Variants in ZFYVE28 observed in about 807,000 individuals in gnomAD.
ZFYVE28 encodes the protein lateral signaling target protein 2 homolog.
ZFYVE28 carries 40 observed loss-of-function variants against 82.1 expected under a neutral mutation model. That is an observed-to-expected ratio of 0.49 (90% CI 0.38 to 0.63). The LOEUF is 0.63. Ranked by LOEUF, ZFYVE28 falls within the 30% of genes least tolerant of loss-of-function variation. ZFYVE28 has a pLI of 0.00. For synonymous variants in ZFYVE28, 612 were observed against 546.1 expected, an observed-to-expected ratio of 1.12 and a Z score of -1.68; for missense variants, 1,321 against 1,242.1, an observed-to-expected ratio of 1.06 and a Z score of -0.96.
intron 1 of ZFYVE28, among the ~76,000 whole-genome samples, chr4:2,356,382 A>G (rs979364661): frequency 1.3e-5 from 2 of 151,356 alleles, no homozygotes; most frequent in Non-Finnish European, 2.9e-5. Context: ...CACAGCCCAG[A>G]GCAAGACAGA....
intron 1 of ZFYVE28, among the ~76,000 whole-genome samples, chr4:2,360,199 C>A (rs571280907): frequency 2.0e-4 from 31 of 151,936 alleles, no homozygotes; most frequent in African/African-American, 7.0e-4. Flanking sequence ...AGTGTCTTCA[C>A]GACCACGAGG....
chr4:2,400,580 T>C (rs10006776), intron 1 of ZFYVE28, among the ~76,000 whole-genome samples: 62,528 of 151,738 alleles, frequency 0.41, 13,509 homozygotes, highest in East Asian at 0.57. Context: ...GGGGAGTTCA[T>C]TAAGTATTAA....
chr4:2,270,505 C>G lies in ZFYVE28; in HGVS notation c.*220G>C. ...CCACCAGGCTCCTCCGGGTCCCCTG[C>G]TGGGCAAAGCTGACCTCTTGTTGGC... On this transcript the variant is annotated 3_prime_UTR_variant, in exon 13 of 13. Transcript: ENST00000290974. 1.5e-6 allele frequency: 1 copy of G among 650,128 alleles called. No homozygotes were observed. The highest frequency in any genetic ancestry group is 3.0e-5 in the Admixed American group (1 of 32,814). 40.3% of individuals were successfully genotyped at this position (650,128 alleles called of 1,614,324 possible).
chr4:2,329,029 G>A, intron 6 of ZFYVE28: 2 of 677,048 alleles, frequency 3.0e-6, no homozygotes, highest in Non-Finnish European at 5.4e-6. Flanking sequence ...CTTGTAGTAA[G>A]TTTTGAAATC....
rs1018415237 is a variant in ZFYVE28, at chr4:2,409,907, C to G, written c.39+8378G>C. ...ATCTTCAGAGACCAGGAAGATGCCC[C>G]CGCCAGGTGGCCACAGTCAGCGGGC... On this transcript the variant is annotated intron_variant, in intron 1 of 12. Transcript: ENST00000290974. This position sits in a 1 kb window ranked among gnomAD's most constrained non-coding sequence, Gnocchi z 4.4. Among the ~76,000 whole-genome samples the G allele has an allele frequency of 6.6e-6, 1 of 152,244 alleles. No homozygotes were observed. The highest frequency in any genetic ancestry group is 2.4e-5 in the African/African-American group (1 of 41,466).
chr4:2,343,336 C>T (rs998526813), intron 2 of ZFYVE28: 1 of 152,188 alleles, frequency 6.6e-6, no homozygotes, highest in African/African-American at 2.4e-5. Flanking sequence ...TCGACCATCC[C>T]TCCTGAGGCT....
At chr4:2,390,828 T>C (rs992452263) in intron 1 of ZFYVE28, among the ~76,000 whole-genome samples, 8 of 152,262 alleles carry the variant, frequency 5.3e-5, no homozygotes, top group Non-Finnish European at 4.4e-5. Flanking sequence ...ACAAGGCCTA[T>C]GGCTGGCCTG....
chr4:2,287,339 G>A (rs373131979), intron 8 of ZFYVE28: 1 of 152,256 alleles, frequency 6.6e-6, no homozygotes, highest in African/African-American at 2.4e-5. Context: ...CCACAGACAC[G>A]GACAGTAAGA....
Position 2,339,780 on chromosome 4 carries a change from C to T in ZFYVE28, c.319-125G>A, listed in dbSNP as rs138524175. Reference sequence around the variant, plus strand: ...TCTCACCCCACAGCACAGGCCAGCTCGTGTTCCCGGTCCCCGCAGGAGGTT... The same window carrying T: ...TCTCACCCCACAGCACAGGCCAGCTTGTGTTCCCGGTCCCCGCAGGAGGTT... On this transcript the variant is annotated intron_variant, in intron 3 of 12. Transcript: ENST00000290974. This position sits in a 1 kb window ranked among gnomAD's most constrained non-coding sequence, Gnocchi z 5.0. 1,204 of 815,318 alleles carry T rather than the reference C, an allele frequency of 1.5e-3. 14 individuals carry two copies. In the African/African-American group the frequency reaches 0.016, roughly 11 times the overall value. The allele number at this position is 815,318 out of a possible 1,614,324, so 50.5% of individuals were successfully genotyped here.
At chr4:2,406,239 G>A (rs1229786044) in intron 1 of ZFYVE28, among the ~76,000 whole-genome samples, 3 of 151,456 alleles carry the variant, frequency 2.0e-5, no homozygotes, top group Admixed American at 6.6e-5. Context: ...GGGTGTGGTG[G>A]TGCACACCTG....
intron 7 of ZFYVE28, among the ~76,000 whole-genome samples, chr4:2,306,644 T>C (rs143073882): frequency 2.6e-5 from 4 of 152,374 alleles, no homozygotes; most frequent in Admixed American, 6.5e-5. Flanking sequence ...TTTTAAAATG[T>C]CATTAGAAAT....
intron 8 of ZFYVE28, among the ~76,000 whole-genome samples, chr4:2,297,148 G>A (rs1014086109): frequency 2.0e-5 from 3 of 152,370 alleles, no homozygotes; most frequent in African/African-American, 7.2e-5. Flanking sequence ...CCCACGCAGC[G>A]GCGCCTTCAC....
At position 2,335,448 on chromosome 4, in the gene ZFYVE28, G is replaced by T. The variant is rs1001561575; in HGVS notation, c.701+257C>A. Among the ~76,000 whole-genome samples, 5 of 152,144 alleles carry T rather than the reference G, an allele frequency of 3.3e-5. No individual in the cohort carries two copies. Among genetic ancestry groups the T allele is most frequent in the African/African-American group, 1.2e-4 (5 of 41,430 alleles). ...GATCTCACCTGTCCAGTGGCAGGTGGCAGGTGTTAGGCCACCTTGCCCTAT... is the reference window on the plus strand; with the variant it reads ...GATCTCACCTGTCCAGTGGCAGGTGTCAGGTGTTAGGCCACCTTGCCCTAT... On this transcript the variant is annotated intron_variant, in intron 6 of 12. Transcript: ENST00000290974. The surrounding 1 kb of genome is among the most constrained non-coding windows in gnomAD (Gnocchi z 5.8).
intron 8 of ZFYVE28, among the ~76,000 whole-genome samples, chr4:2,289,504 C>A (rs1038496344): frequency 2.0e-5 from 3 of 152,170 alleles, no homozygotes; most frequent in African/African-American, 7.2e-5. Context: ...GCCACAGCCT[C>A]CTGCCACCTG....
At chr4:2,298,224 G>C (rs1300734486) in intron 8 of ZFYVE28, among the ~76,000 whole-genome samples, 1 of 140,308 alleles carries the variant, frequency 7.1e-6, no homozygotes, top group Non-Finnish European at 1.6e-5. Context: ...GAGGATGAGC[G>C]GTGACAGTGG....
intron 1 of ZFYVE28, among the ~76,000 whole-genome samples, chr4:2,385,548 C>T (rs941261313): frequency 3.9e-5 from 6 of 152,208 alleles, no homozygotes; most frequent in African/African-American, 9.7e-5. Context: ...GTTTCTGCAG[C>T]GGGTCAGACC....
chr4:2,273,767 C>T (rs1736133825), intron 9 of ZFYVE28, among the ~76,000 whole-genome samples: 1 of 152,170 alleles, frequency 6.6e-6, no homozygotes, highest in African/African-American at 2.4e-5. Context: ...CAGGGTGGAC[C>T]CTGCCCAGAG....
At chr4:2,371,268 C>T (rs1727521140) in intron 1 of ZFYVE28, among the ~76,000 whole-genome samples, 1 of 152,310 alleles carries the variant, frequency 6.6e-6, no homozygotes. Flanking sequence ...CGTCGTGCTC[C>T]CTGGCACATT....
chr4:2,299,433 A>G (rs1311028936), intron 8 of ZFYVE28, among the ~76,000 whole-genome samples: 2 of 150,866 alleles, frequency 1.3e-5, no homozygotes, highest in African/African-American at 4.9e-5. Context: ...TGCTGTGGTG[A>G]TTCTACTTCT....
Sources: gnomAD v4.1 joint callset for allele counts (sites outside exome capture counted in the v4.1 genomes callset) on GRCh38, gnomAD v4.1.1 for gene constraint, Gnocchi (gnomAD v3.1) non-coding constraint, MANE v1.5 for transcripts, NCBI Gene and HGNC (gene_info 2026-07-23, HGNC 2026-07-21) for gene names.